Variants in GDA observed in about 807,000 individuals in gnomAD.
The protein encoded by GDA is cytoplasmic PSD-95 interactor.
GDA carries 18 observed loss-of-function variants against 59.6 expected under a neutral mutation model. The ratio of observed to expected loss-of-function variants is 0.30; its 90% CI spans 0.21 to 0.45. GDA has a LOEUF of 0.45. Ranked by LOEUF, GDA falls within the 20% of genes least tolerant of loss-of-function variation. The pLI is 1.00. For missense variants in GDA, 427 were observed against 552.3 expected (o/e 0.77, Z 2.27); for synonymous variants, 201 against 201.1 (o/e 1.00, Z 0.00).
chr9:72,240,016 A>G (rs1031078342), intron 10 of GDA, among the ~76,000 whole-genome samples: 4 of 152,188 alleles, frequency 2.6e-5, no homozygotes, highest in East Asian at 1.9e-4. Context: ...TTTATTAGCT[A>G]TAAGTGTGTT....
At chr9:72,213,594 G>A (rs1291569445) in intron 4 of GDA, among the ~76,000 whole-genome samples, 11 of 151,980 alleles carry the variant, frequency 7.2e-5, no homozygotes, top group African/African-American at 2.2e-4. Context: ...ACAAGGTCAG[G>A]AGATCGAGAC....
intron 11 of GDA, among the ~76,000 whole-genome samples, chr9:72,244,835 A>C (rs1839979680): frequency 6.6e-6 from 1 of 152,168 alleles, no homozygotes; most frequent in Non-Finnish European, 1.5e-5. Context: ...TAGAGGGATA[A>C]ATGAAAAGCA....
At chr9:72,221,666 C>G (rs1330866220) in intron 6 of GDA, among the ~76,000 whole-genome samples, 2 of 152,172 alleles carry the variant, frequency 1.3e-5, no homozygotes, top group African/African-American at 4.8e-5. Context: ...AGGTATTAAG[C>G]CTACTACCCA....
intron 6 of GDA, among the ~76,000 whole-genome samples, chr9:72,221,163 A>G (rs1836803659): frequency 6.6e-6 from 1 of 152,148 alleles, no homozygotes; most frequent in Admixed American, 6.5e-5. Flanking sequence ...CCTACAACTG[A>G]ATAGTGCTCA....
rs1008547334 is a variant in GDA, at chr9:72,251,015, C to G, written c.*2673C>G. 1.8e-6 allele frequency: 1 copy of G among 569,022 alleles called. No individual in the cohort carries two copies. Among genetic ancestry groups the G allele is most frequent in the Non-Finnish European group, 3.1e-6 (1 of 322,426 alleles). The allele number at this position is 569,022 out of a possible 1,614,324, so 35.2% of individuals were successfully genotyped here. A position where few individuals can be genotyped will look rare whatever the true frequency, so the allele number is the denominator to read the frequency against. The stretch of plus-strand genomic sequence containing the variant: ...TCCTAAACAGACCAAGGAGACTGTT[C>G]CCTAATTTATTCTCTTGGCTGGTTC... On this transcript the variant is annotated 3_prime_UTR_variant, in exon 14 of 14. Coordinates refer to ENST00000358399, the MANE Select transcript of GDA (RefSeq NM_004293.5).
chr9:72,211,320 T>A (rs1031054039), intron 4 of GDA, among the ~76,000 whole-genome samples: 2 of 152,206 alleles, frequency 1.3e-5, no homozygotes, highest in African/African-American at 4.8e-5. Flanking sequence ...TCTGGAAGAA[T>A]TAGTTCAGCA....
At chr9:72,206,953 A>G (rs970999960) in intron 3 of GDA, among the ~76,000 whole-genome samples, 1 of 149,912 alleles carries the variant, frequency 6.7e-6, no homozygotes, top group Non-Finnish European at 1.5e-5. Flanking sequence ...TTTTTTTTTG[A>G]CTCTTGAACA....
chr9:72,207,101 G>C (rs944601116), intron 3 of GDA, among the ~76,000 whole-genome samples: 12 of 151,772 alleles, frequency 7.9e-5, no homozygotes, highest in Non-Finnish European at 1.5e-4. Context: ...CTGATATTCT[G>C]AAATTGTAAT....
intron 1 of GDA, among the ~76,000 whole-genome samples, chr9:72,156,003 A>T (rs1338425119): frequency 4.6e-5 from 7 of 152,256 alleles, no homozygotes; most frequent in African/African-American, 1.7e-4. Context: ...CATGTCCATT[A>T]GACTTCAGCG....
chr9:72,130,586 A>G (rs970164015), intron 1 of GDA, among the ~76,000 whole-genome samples: 1 of 152,202 alleles, frequency 6.6e-6, no homozygotes, highest in African/African-American at 2.4e-5. Context: ...TTCCACATGT[A>G]TGTCTGAGGT....
chr9:72,152,682 T>G (rs1025081659), intron 1 of GDA, among the ~76,000 whole-genome samples: 1 of 152,112 alleles, frequency 6.6e-6, no homozygotes, highest in Non-Finnish European at 1.5e-5. Context: ...TGTGGATTCT[T>G]GATATTAGCC....
chr9:72,157,241 A>T (rs183116748), intron 1 of GDA, among the ~76,000 whole-genome samples: 144 of 152,092 alleles, frequency 9.5e-4, no homozygotes, highest in Middle Eastern at 3.4e-3. Flanking sequence ...GGGTTTCGCC[A>T]TGTTGGGCAG....
chr9:72,201,944 T>C (rs1413578646), intron 2 of GDA, among the ~76,000 whole-genome samples: 2 of 152,174 alleles, frequency 1.3e-5, no homozygotes, highest in African/African-American at 4.8e-5. Flanking sequence ...CCCTCTTCGC[T>C]TCACTACTTA....
intron 1 of GDA, among the ~76,000 whole-genome samples, chr9:72,195,139 T>G (rs1043545021): frequency 1.3e-5 from 2 of 152,168 alleles, no homozygotes; most frequent in African/African-American, 4.8e-5. Context: ...CTTTTTAATA[T>G]AGTTGTCAAA....
chr9:72,120,891 C>T (rs1461895746), intron 1 of GDA, among the ~76,000 whole-genome samples: 1 of 152,058 alleles, frequency 6.6e-6, no homozygotes, highest in Non-Finnish European at 1.5e-5. Context: ...GCAAACTTAC[C>T]AACCTCAGCA....
At chr9:72,122,081 T>C (rs557212538) in intron 1 of GDA, among the ~76,000 whole-genome samples, 1 of 152,324 alleles carries the variant, frequency 6.6e-6, no homozygotes, top group East Asian at 1.9e-4. Flanking sequence ...ACAAGTACTG[T>C]CCTGGGATTT....
intron 1 of GDA, among the ~76,000 whole-genome samples, chr9:72,125,347 CCT>C (rs1157853095): frequency 4.5e-5 from 6 of 132,176 alleles, no homozygotes; most frequent in African/African-American, 1.1e-4. Context: ...TCCCTTCCTT[CCT>C]CTCTCTCTCT....
intron 1 of GDA, among the ~76,000 whole-genome samples, chr9:72,168,348 G>A (rs1829561439): frequency 6.7e-6 from 1 of 150,266 alleles, no homozygotes; most frequent in African/African-American, 2.4e-5. Flanking sequence ...AATTGTGATT[G>A]CACCACTGCA....
intron 10 of GDA, 126 bp from the exon 11 acceptor site, chr9:72,241,026 T>C: frequency 1.8e-6 from 1 of 553,044 alleles, no homozygotes; most frequent in Non-Finnish European, 3.0e-6. Context: ...CTTGTGTTTA[T>C]AGTTAAGAGC....
Sources: gnomAD v4.1 joint callset for allele counts (sites outside exome capture counted in the v4.1 genomes callset) on GRCh38, gnomAD v4.1.1 for gene constraint, MANE v1.5 for transcripts, NCBI Gene and HGNC (gene_info 2026-07-23, HGNC 2026-07-21) for gene names.